LAMC1: variants seen among roughly 807,000 people sequenced by gnomAD.
LAMC1 encodes the protein laminin subunit gamma 1.
A neutral mutation model predicts 173.6 loss-of-function variants in LAMC1; 38 were observed. The observed-to-expected ratio is 0.22, with a 90% CI of 0.17 to 0.29. The LOEUF is 0.29. LAMC1 is among the 10% of genes least tolerant of loss of function. The probability of loss-of-function intolerance (pLI) is 1.00; values close to 1 mark genes in which losing one functional copy is unlikely to be tolerated. For missense variants in LAMC1, 1,824 were observed against 2,051.8 expected, an observed-to-expected ratio of 0.89 and a Z score of 2.14; for synonymous variants, 746 against 749.1, an observed-to-expected ratio of 1.00 and a Z score of 0.07.
chr1:183,127,472 A>T, intron 17 of LAMC1, 68 bp downstream of exon 17: 2 of 1,419,822 alleles, frequency 1.4e-6, no homozygotes, highest in Non-Finnish European at 2.0e-6. Context: ...CTGTGCACTA[A>T]TCTCTATAGA....
intron 20 of LAMC1, among the ~76,000 whole-genome samples, chr1:183,132,104 G>A (rs1247709261): frequency 6.6e-6 from 1 of 152,204 alleles, no homozygotes; most frequent in Non-Finnish European, 1.5e-5. Context: ...TTTGAGACCA[G>A]CCTGGCCAAC....
At chr1:183,108,017 C>A (rs991853163) in intron 2 of LAMC1, among the ~76,000 whole-genome samples, 2 of 152,078 alleles carry the variant, frequency 1.3e-5, no homozygotes, top group Non-Finnish European at 2.9e-5. Context: ...AGCCTCTCAG[C>A]AGCCTTGCAA....
At chr1:183,081,565 T>C (rs1049173580) in intron 1 of LAMC1, among the ~76,000 whole-genome samples, 2 of 66,584 alleles carry the variant, frequency 3.0e-5, no homozygotes, top group East Asian at 1.1e-3. Context: ...AATAAATAAA[T>C]AAATAAATAA....
intron 24 of LAMC1, among the ~76,000 whole-genome samples, chr1:183,135,976 C>T (rs546952296): frequency 6.6e-6 from 1 of 151,826 alleles, no homozygotes; most frequent in East Asian, 1.9e-4. Context: ...CCCTGCACCA[C>T]AGGTCATGTA....
At position 183,104,647 on chromosome 1, in the gene LAMC1, G is replaced by A. The variant is rs532104166; in HGVS notation, c.723+1015G>A. Among the ~76,000 whole-genome samples, 3 of 152,224 alleles carry A rather than the reference G, an allele frequency of 2.0e-5. No individual in the cohort carries two copies. The East Asian group carries it at 5.8e-4, about 29-fold the overall frequency. On this transcript the variant is annotated intron_variant, in intron 2 of 27. Transcript: ENST00000258341. ...TTGGATCTTCTTATTCTTTCTCACC[G>A]TTATTATGTTCAGGGACTCTCTTTC...
intron 1 of LAMC1, among the ~76,000 whole-genome samples, chr1:183,038,225 G>A (rs913471119): frequency 6.6e-6 from 1 of 151,920 alleles, no homozygotes; most frequent in South Asian, 2.1e-4. Flanking sequence ...TAATAAAGAT[G>A]GGGTTCTACC....
chr1:183,126,520 A>C (rs146619407), intron 16 of LAMC1, among the ~76,000 whole-genome samples: 1 of 152,146 alleles, frequency 6.6e-6, no homozygotes. Flanking sequence ...TATTTTTTCC[A>C]AGGAAGTCTT....
intron 27 of LAMC1, chr1:183,141,284 G>C (rs896988138): frequency 2.6e-5 from 4 of 152,204 alleles, no homozygotes; most frequent in African/African-American, 9.7e-5. Context: ...ACTCCACCCT[G>C]GGCAACAGAG....
In LAMC1 at chr1:183,124,724, A is replaced by G. The variant is rs1214502323; in HGVS notation, c.2495A>G (p.Asp832Gly). Residue 832 changes from aspartate (D) to glycine (G), a missense_variant, in exon 14 of 28, where the codon GAC becomes GGC. Coordinates refer to ENST00000258341, the MANE Select transcript of LAMC1 (RefSeq NM_002293.4). ...VRLCRLCQCS[D>G]NIDPNAVGNC... ...CTTTGCCGCCTGTGCCAGTGCAGTGACAACATCGATCCCAATGCAGTTGGA... is the reference window on the plus strand; with the variant it reads ...CTTTGCCGCCTGTGCCAGTGCAGTGGCAACATCGATCCCAATGCAGTTGGA... 6.2e-7 allele frequency: 1 copy of G among 1,614,226 alleles called. No individual in the cohort carries two copies. Among genetic ancestry groups the G allele is most frequent in the East Asian group, 2.2e-5 (1 of 44,886 alleles).
intron 3 of LAMC1, among the ~76,000 whole-genome samples, chr1:183,109,327 A>G (rs3768626): frequency 0.52 from 78,588 of 151,984 alleles, 21,012 homozygotes; most frequent in South Asian, 0.65. Context: ...TAAAAATAGT[A>G]TACAATTGAG....
chr1:183,059,067 A>G (rs370722931), intron 1 of LAMC1, among the ~76,000 whole-genome samples: 28 of 152,272 alleles, frequency 1.8e-4, no homozygotes, highest in African/African-American at 5.5e-4. Flanking sequence ...AGTTGCTTCT[A>G]TTGTGTTCCC....
intron 1 of LAMC1, among the ~76,000 whole-genome samples, chr1:183,077,266 A>G (rs1031977838): frequency 6.6e-6 from 1 of 152,148 alleles, no homozygotes; most frequent in East Asian, 1.9e-4. Flanking sequence ...TTTTCATTTT[A>G]CATTGTGATC....
At chr1:183,136,620 A>AT (rs2102111592) in intron 25 of LAMC1, 35 bp downstream of exon 25, 2 of 1,523,986 alleles carry the variant, frequency 1.3e-6, no homozygotes, top group South Asian at 1.2e-5. Flanking sequence ...GTCCCTGCCC[A>AT]TATCTTTCTC....
At chr1:183,090,117 T>G (rs1289921574) in intron 1 of LAMC1, among the ~76,000 whole-genome samples, 1 of 152,212 alleles carries the variant, frequency 6.6e-6, no homozygotes, top group Non-Finnish European at 1.5e-5. Context: ...ATTCCTCTGC[T>G]CAGCTCATTG....
Position 183,136,479 on chromosome 1 carries a change from A to G in LAMC1, c.4208A>G (p.Glu1403Gly), listed in dbSNP as rs1264954376. Residue 1403 changes from glutamate to glycine, a missense_variant, in exon 25 of 28, where the codon GAA becomes GGA. By Grantham distance (98) the Glu-to-Gly change is moderately conservative. Coordinates refer to ENST00000258341, the MANE Select transcript of LAMC1 (RefSeq NM_002293.4). ...AINQTITEANEKTREAQQALG... is the reference protein window; with the variant it reads ...AINQTITEANGKTREAQQALG... ...AACCAGACCATCACTGAAGCCAATGAAAAGACCAGAGAAGCCCAGCAGGCC... is the reference window on the plus strand; with the variant it reads ...AACCAGACCATCACTGAAGCCAATGGAAAGACCAGAGAAGCCCAGCAGGCC... 1 of 1,614,246 alleles carries G rather than the reference A, an allele frequency of 6.2e-7. No homozygotes were observed. The highest frequency in any genetic ancestry group is 1.1e-5 in the South Asian group (1 of 91,082).
At chr1:183,066,510 G>C (rs903022134) in intron 1 of LAMC1, among the ~76,000 whole-genome samples, 1 of 152,182 alleles carries the variant, frequency 6.6e-6, no homozygotes, top group Admixed American at 6.5e-5. Flanking sequence ...GCACACATAC[G>C]TTTATTGCAG....
At chr1:183,087,595 CT>C in intron 1 of LAMC1, among the ~76,000 whole-genome samples, 1 of 152,250 alleles carries the variant, frequency 6.6e-6, no homozygotes, top group African/African-American at 2.4e-5. Flanking sequence ...AAAGGAAATC[CT>C]TGCTACTACC....
At chr1:183,045,686 G>A (rs761381212) in intron 1 of LAMC1, among the ~76,000 whole-genome samples, 8 of 151,958 alleles carry the variant, frequency 5.3e-5, no homozygotes, top group African/African-American at 9.7e-5. Context: ...CTCTCTACCT[G>A]GGTTGCTGGG....
At chr1:183,114,767 A>C in intron 5 of LAMC1, 48 bp downstream of exon 5, 1 of 1,558,328 alleles carries the variant, frequency 6.4e-7, no homozygotes. Flanking sequence ...AGTTCCGTGG[A>C]CCCCCGGAAA....
Sources: gnomAD v4.1 joint callset for allele counts (sites outside exome capture counted in the v4.1 genomes callset) on GRCh38, gnomAD v4.1.1 for gene constraint, MANE v1.5 for transcripts, NCBI Gene and HGNC (gene_info 2026-07-23, HGNC 2026-07-21) for gene names.